Variants in MCPH1 observed in about 807,000 individuals in gnomAD.
MCPH1 encodes the protein microcephalin.
In MCPH1, 104 loss-of-function variants were observed where a neutral mutation model predicts 84.5. The ratio of observed to expected loss-of-function variants is 1.23; its 90% confidence interval spans 1.05 to 1.45. MCPH1 has a LOEUF of 1.45. Among genes scored for constraint, MCPH1 ranks in the 40% most tolerant of loss-of-function variants. The pLI is 0.00. For missense variants in MCPH1, 1,498 were observed against 1,005.7 expected (o/e 1.49, Z -6.62); for synonymous variants, 514 against 366.8 (o/e 1.40, Z -4.58).
At chr8:6,412,600 CT>C (rs1335163152) in intron 2 of MCPH1, among the ~76,000 whole-genome samples, 1 of 152,282 alleles carries the variant, frequency 6.6e-6, no homozygotes, top group African/African-American at 2.4e-5. Flanking sequence ...CTCTTTGGGT[CT>C]CAGCGCAAGG....
At chr8:6,602,200 TAGC>T (rs1829425377) in intron 12 of MCPH1, among the ~76,000 whole-genome samples, 1 of 152,190 alleles carries the variant, frequency 6.6e-6, no homozygotes, top group Non-Finnish European at 1.5e-5. Context: ...GGGTGCTCGC[TAGC>T]GAGGAGGGAG....
rs544543575 is a variant in MCPH1 at position 6,406,766 on chromosome 8, G to T, written c.22+77G>T. On this transcript the variant is annotated intron_variant, in intron 1 of 13. Coordinates refer to ENST00000344683, the MANE Select transcript of MCPH1 (RefSeq NM_024596.5). The stretch of plus-strand genomic sequence containing the variant: ...CCCCTCGTCGCGGGCGCACTCGGGG[G>T]ATCCCGTGGGAGGAGCCCCGCTCGC... 8 of 1,525,464 alleles carry T rather than the reference G, an allele frequency of 5.2e-6. No individual in the cohort carries two copies. The East Asian group carries it at 1.4e-4, about 26-fold the overall frequency. The allele number at this position is 1,525,464 out of a possible 1,614,324, so 94.5% of individuals were successfully genotyped here.
At chr8:6,468,730 G>C (rs983552725) in intron 9 of MCPH1, among the ~76,000 whole-genome samples, 1 of 151,476 alleles carries the variant, frequency 6.6e-6, no homozygotes, top group Non-Finnish European at 1.5e-5. Context: ...GTGCTGTATG[G>C]ATCACTATTA....
intron 12 of MCPH1, among the ~76,000 whole-genome samples, chr8:6,613,891 G>A (rs1830537081): frequency 6.6e-6 from 1 of 152,104 alleles, no homozygotes. Flanking sequence ...AGTTTCAGGA[G>A]CCTCCATGAC....
chr8:6,453,831 C>G (rs1563232145), intron 8 of MCPH1, among the ~76,000 whole-genome samples: 1 of 152,062 alleles, frequency 6.6e-6, no homozygotes, highest in Non-Finnish European at 1.5e-5. Flanking sequence ...GGTACGGGAT[C>G]AGTCAGGATG....
chr8:6,451,144 G>A (rs1183199790), intron 8 of MCPH1, among the ~76,000 whole-genome samples: 4 of 152,186 alleles, frequency 2.6e-5, no homozygotes, highest in African/African-American at 9.7e-5. Flanking sequence ...TAATTCACAA[G>A]TGTATTAAGA....
chr8:6,489,457 G>T (rs951106971), intron 11 of MCPH1, among the ~76,000 whole-genome samples: 1 of 152,108 alleles, frequency 6.6e-6, no homozygotes, highest in Non-Finnish European at 1.5e-5. Context: ...TGAATAAGAG[G>T]AGACAGAAGC....
chr8:6,476,945 C>G (rs1808541647), intron 9 of MCPH1, among the ~76,000 whole-genome samples: 1 of 152,010 alleles, frequency 6.6e-6, no homozygotes, highest in African/African-American at 2.4e-5. Flanking sequence ...TCATTTCTAG[C>G]TGGTGGAATT....
At chr8:6,491,135 A>T (rs1168594528) in intron 11 of MCPH1, among the ~76,000 whole-genome samples, 1 of 151,506 alleles carries the variant, frequency 6.6e-6, no homozygotes, top group Non-Finnish European at 1.5e-5. Flanking sequence ...AGGTGGCCAC[A>T]TACCAAATAG....
chr8:6,626,864 C>G, intron 13 of MCPH1: 1 of 985,212 alleles, frequency 1.0e-6, no homozygotes, highest in Non-Finnish European at 1.2e-6. Context: ...CTGGCTTGGC[C>G]TTTCTCATAG....
chr8:6,427,315 C>T (rs996778069), intron 3 of MCPH1, among the ~76,000 whole-genome samples: 2 of 152,162 alleles, frequency 1.3e-5, no homozygotes, highest in African/African-American at 2.4e-5. Context: ...ACTTTATACA[C>T]GTCATACAGT....
intron 13 of MCPH1, among the ~76,000 whole-genome samples, chr8:6,634,620 G>C (rs768464331): frequency 5.0e-4 from 76 of 152,304 alleles, no homozygotes; most frequent in Non-Finnish European, 9.1e-4. Flanking sequence ...CTAACAAAAA[G>C]GCATAGATCA....
intron 12 of MCPH1, among the ~76,000 whole-genome samples, chr8:6,576,689 T>A (rs1431836079): frequency 2.8e-5 from 1 of 35,120 alleles, no homozygotes; most frequent in African/African-American, 2.3e-4. Flanking sequence ...TGTATTTTTT[T>A]TTTTTTTTTT....
intron 12 of MCPH1, among the ~76,000 whole-genome samples, chr8:6,510,969 T>A (rs1814959215): frequency 6.6e-6 from 1 of 152,236 alleles, no homozygotes; most frequent in African/African-American, 2.4e-5. Flanking sequence ...TACTCATCTC[T>A]GTTGGGATTT....
intron 13 of MCPH1, among the ~76,000 whole-genome samples, chr8:6,637,408 G>C (rs1797634257): frequency 6.6e-6 from 1 of 152,180 alleles, no homozygotes; most frequent in Non-Finnish European, 1.5e-5. Context: ...GGCCCTTCCA[G>C]GAATGGTAAG....
At chr8:6,417,006 G>C (rs1014631131) in intron 3 of MCPH1, among the ~76,000 whole-genome samples, 2 of 151,736 alleles carry the variant, frequency 1.3e-5, no homozygotes, top group African/African-American at 4.8e-5. Flanking sequence ...AAGAGTAAGG[G>C]GTCCTTCTCT....
intron 13 of MCPH1, among the ~76,000 whole-genome samples, chr8:6,630,539 T>C (rs1219114008): frequency 1.3e-5 from 2 of 152,124 alleles, no homozygotes; most frequent in Non-Finnish European, 2.9e-5. Flanking sequence ...CCCAACACTT[T>C]GGGAGGCTGA....
rs527360328 is a variant in MCPH1 at position 6,412,432 on chromosome 8, C to T, written c.115-2333C>T. ...CAAACAGTTCAAAGAATAGTGAATA[C>T]AGATCAATAGTCGTTAACATCGTAA... On this transcript the variant is annotated intron_variant, in intron 2 of 13. Transcript: ENST00000344683. Among the ~76,000 whole-genome samples, 14 of 152,320 alleles carry T rather than the reference C, an allele frequency of 9.2e-5. No homozygotes were observed. The East Asian group carries it at 1.2e-3, about 13-fold the overall frequency.
At position 6,624,397 on chromosome 8, in the gene MCPH1, TGTAGTGGGCGTCTCCAGC is replaced by T. The variant is rs538328755; in HGVS notation, c.2452+2724_2452+2741del. ...TCACTCGCCGGCCACCAGACCCCAGTGTAGTGGGCGTCTCCAGCGTAGTGGGCGTCTCCAGTGTAGTGG... is the reference window on the plus strand; with the variant it reads ...TCACTCGCCGGCCACCAGACCCCAGTGTAGTGGGCGTCTCCAGTGTAGTGG... On this transcript the variant is annotated intron_variant, in intron 13 of 13. Coordinates refer to ENST00000344683, the MANE Select transcript of MCPH1 (RefSeq NM_024596.5). Among the ~76,000 whole-genome samples, 640 of 152,188 alleles carry T rather than the reference TGTAGTGGGCGTCTCCAGC, an allele frequency of 4.2e-3. 2 individuals are homozygous for T. Among genetic ancestry groups the T allele is most frequent in the Non-Finnish European group, 7.0e-3 (475 of 67,992 alleles).
Sources: allele counts gnomAD v4.1 joint callset (sites outside exome capture counted in the v4.1 genomes callset), GRCh38; gene constraint gnomAD v4.1.1; transcripts MANE v1.5; gene names NCBI Gene and HGNC (gene_info 2026-07-23, HGNC 2026-07-21).